Variants in IQCM observed in about 807,000 individuals in gnomAD.
IQCM encodes the protein IQ domain-containing protein M.
IQCM carries 45 observed loss-of-function variants against 57.6 expected under a neutral mutation model. The ratio of observed to expected loss-of-function variants is 0.78; its 90% CI spans 0.62 to 1.00. IQCM has a LOEUF of 1.00. IQCM is among the 50% of genes least tolerant of loss of function. The probability of loss-of-function intolerance (pLI) is 0.00; values close to 1 mark genes in which losing one functional copy is unlikely to be tolerated. For missense variants in IQCM, 468 were observed against 511.6 expected (o/e 0.91, Z 0.82); for synonymous variants, 148 against 158.9 (o/e 0.93, Z 0.51).
intron 13 of IQCM, among the ~76,000 whole-genome samples, chr4:149,421,743 C>T (rs920842411): frequency 2.6e-5 from 4 of 151,814 alleles, no homozygotes; most frequent in Non-Finnish European, 5.9e-5. Context: ...AAAATCTATG[C>T]TTCAAATTTT....
Position 149,674,730 on chromosome 4 carries a change from C to T in IQCM, c.565+7388G>A, listed in dbSNP as rs75637202. ...TAAAAATTAAAAATCCAGGTGGAAA[C>T]CTTAATTAAGCAGTTGAACATGAGC... On this transcript the variant is annotated intron_variant, in intron 7 of 13. Transcript: ENST00000636793. 1.4e-3 allele frequency among the ~76,000 whole-genome samples: 208 copies of T among 152,136 alleles called. 3 individuals are homozygous for T. The East Asian group carries it at 0.037, about 27-fold the overall frequency.
At chr4:149,583,989 A>C (rs2149992226) in intron 9 of IQCM, among the ~76,000 whole-genome samples, 1 of 151,692 alleles carries the variant, frequency 6.6e-6, no homozygotes, top group Admixed American at 6.6e-5. Context: ...ACCTTTATAA[A>C]AATAAAAAAT....
At chr4:149,736,458 C>T (rs1766954970) in intron 3 of IQCM, among the ~76,000 whole-genome samples, 1 of 152,154 alleles carries the variant, frequency 6.6e-6, no homozygotes, top group African/African-American at 2.4e-5. Context: ...GCTTCCTCCT[C>T]TTAACTCAAA....
chr4:149,614,544 T>C (rs1470321932), intron 8 of IQCM, among the ~76,000 whole-genome samples: 1 of 152,158 alleles, frequency 6.6e-6, no homozygotes, highest in African/African-American at 2.4e-5. Flanking sequence ...CCGCTACCCC[T>C]TGGCCCTATC....
rs185907754 is a variant in IQCM, at chr4:149,676,575, G to C, written c.565+5543C>G. Among the ~76,000 whole-genome samples, 137 of 152,098 alleles carry C rather than the reference G, an allele frequency of 9.0e-4. 1 individual carries two copies. Among genetic ancestry groups the C allele is most frequent in the Non-Finnish European group, 8.4e-4 (57 of 67,972 alleles). On this transcript the variant is annotated intron_variant, in intron 7 of 13. Transcript: ENST00000636793. ...CCCAATGAAGAAATTGAGTCACAGT[G>C]CAATTAAGTAACTTGGATAAGATTT...
rs570040593 is a variant in IQCM at position 149,693,835 on chromosome 4, A to C, written c.386-7367T>G. 1.1e-4 allele frequency among the ~76,000 whole-genome samples: 16 copies of C among 152,298 alleles called. No individual in the cohort carries two copies. In the East Asian group the frequency reaches 3.1e-3, roughly 29 times the overall value. Reference sequence around the variant, plus strand: ...AAATAGTGTATATTATTTAATTCTTAGGAGCAATGTCTTATATCCACCTGA... The same window carrying C: ...AAATAGTGTATATTATTTAATTCTTCGGAGCAATGTCTTATATCCACCTGA... On this transcript the variant is annotated intron_variant, in intron 5 of 13. Coordinates refer to ENST00000636793, the MANE Select transcript of IQCM (RefSeq NM_001363507.2).
At chr4:149,729,665 G>C (rs1176527495) in intron 5 of IQCM, among the ~76,000 whole-genome samples, 1 of 151,992 alleles carries the variant, frequency 6.6e-6, no homozygotes, top group Non-Finnish European at 1.5e-5. Flanking sequence ...AGCAGAGACA[G>C]GGTTTCACCA....
chr4:149,798,655 T>C (rs970927324), intron 2 of IQCM, among the ~76,000 whole-genome samples: 2 of 152,014 alleles, frequency 1.3e-5, no homozygotes, highest in African/African-American at 4.8e-5. Context: ...TGGAAAAAGA[T>C]AGTCCATTCC....
At chr4:149,389,021 ATTTG>A (rs1731652008) in intron 13 of IQCM, among the ~76,000 whole-genome samples, 2 of 151,408 alleles carry the variant, frequency 1.3e-5, no homozygotes, top group Non-Finnish European at 1.5e-5. Flanking sequence ...TTATTTATTT[ATTTG>A]TGCTTTTTTT....
chr4:149,666,519 G>A (rs947360518), intron 7 of IQCM, among the ~76,000 whole-genome samples: 6 of 152,158 alleles, frequency 3.9e-5, no homozygotes, highest in Non-Finnish European at 8.8e-5. Flanking sequence ...CAGACACCGA[G>A]CTAGCTGCAG....
At chr4:149,583,813 T>C (rs1000058213) in intron 9 of IQCM, among the ~76,000 whole-genome samples, 6 of 151,576 alleles carry the variant, frequency 4.0e-5, no homozygotes, top group Non-Finnish European at 7.4e-5. Context: ...ATATTGAGGA[T>C]GAACTCTCAA....
intron 5 of IQCM, among the ~76,000 whole-genome samples, chr4:149,726,057 T>C (rs1191210010): frequency 7.8e-6 from 1 of 128,726 alleles, no homozygotes; most frequent in African/African-American, 3.0e-5. Context: ...TTCCCAACCA[T>C]TTCTCTTCCC....
intron 13 of IQCM, among the ~76,000 whole-genome samples, chr4:149,368,751 T>TAC (rs1210193693): frequency 8.8e-6 from 1 of 113,022 alleles, no homozygotes; most frequent in African/African-American, 3.1e-5. Flanking sequence ...ATTATATATA[T>TAC]ACATGTATAT....
intron 3 of IQCM, among the ~76,000 whole-genome samples, chr4:149,740,442 A>T (rs1767349902): frequency 6.6e-6 from 1 of 152,200 alleles, no homozygotes; most frequent in Non-Finnish European, 1.5e-5. Flanking sequence ...ATGCCTTGAC[A>T]GTCAGTTAAG....
At chr4:149,387,773 ATAG>A (rs1278624546) in intron 13 of IQCM, among the ~76,000 whole-genome samples, 5 of 152,048 alleles carry the variant, frequency 3.3e-5, no homozygotes, top group Non-Finnish European at 1.5e-5. Flanking sequence ...ATCTATCATC[ATAG>A]TAGAATTTTA....
intron 5 of IQCM, among the ~76,000 whole-genome samples, chr4:149,720,673 A>G (rs1400124622): frequency 4.6e-5 from 7 of 152,188 alleles, no homozygotes; most frequent in African/African-American, 1.7e-4. Flanking sequence ...AGGGCAAGCA[A>G]AAGAAAATTC....
At chr4:149,758,974 A>T (rs573091891) in intron 2 of IQCM, among the ~76,000 whole-genome samples, 2 of 151,210 alleles carry the variant, frequency 1.3e-5, no homozygotes, top group Admixed American at 6.6e-5. Context: ...AGTTTAAAAC[A>T]TGTCCACATA....
intron 4 of IQCM, among the ~76,000 whole-genome samples, chr4:149,733,739 G>A (rs899292113): frequency 6.6e-6 from 1 of 151,996 alleles, no homozygotes; most frequent in Non-Finnish European, 1.5e-5. Context: ...CAAGCATAAG[G>A]ATTATATTCC....
intron 2 of IQCM, among the ~76,000 whole-genome samples, chr4:149,751,312 C>G (rs1274426518): frequency 2.0e-5 from 3 of 152,192 alleles, no homozygotes; most frequent in East Asian, 1.9e-4. Context: ...ACCTTCTGCT[C>G]TCTGACTGAA....
Sources: allele counts gnomAD v4.1 joint callset (sites outside exome capture counted in the v4.1 genomes callset), GRCh38; gene constraint gnomAD v4.1.1; transcripts MANE v1.5; gene names NCBI Gene and HGNC (gene_info 2026-07-23, HGNC 2026-07-21).